CHN2: variants seen among roughly 807,000 people sequenced by gnomAD.
CHN2 encodes beta-chimaerin.
CHN2 carries 35 observed loss-of-function variants against 56.3 expected under a neutral mutation model. The ratio of observed to expected loss-of-function variants is 0.62; its 90% CI spans 0.47 to 0.82. CHN2 has a LOEUF of 0.82. CHN2 is among the 40% of genes least tolerant of loss of function. The probability of loss-of-function intolerance (pLI) is 0.00; values close to 1 mark genes in which losing one functional copy is unlikely to be tolerated. For missense variants in CHN2, 491 were observed against 580.5 expected (o/e 0.85, Z 1.58); for synonymous variants, 210 against 212.8 (o/e 0.99, Z 0.12).
At chr7:29,328,211 A>G (rs994127665) in intron 1 of CHN2, among the ~76,000 whole-genome samples, 5 of 152,186 alleles carry the variant, frequency 3.3e-5, no homozygotes, top group African/African-American at 7.2e-5. Flanking sequence ...TATTTTCTAC[A>G]TGGTCATTCT....
At chr7:29,339,906 A>G (rs189242703) in intron 1 of CHN2, among the ~76,000 whole-genome samples, 4 of 152,142 alleles carry the variant, frequency 2.6e-5, no homozygotes, top group Admixed American at 1.3e-4. Context: ...ATATATGCCA[A>G]TATAGCAATA....
rs142066446 is a variant in CHN2, at chr7:29,415,276, C to T, written c.576+14448C>T. 4.5e-3 allele frequency among the ~76,000 whole-genome samples: 681 copies of T among 152,312 alleles called. 4 individuals are homozygous for T. The highest frequency in any genetic ancestry group is 0.014 in the African/African-American group (602 of 41,562). On this transcript the variant is annotated intron_variant, in intron 6 of 12. Transcript: ENST00000222792. ...ACACGGAGCGACAGGGGCCACCTGGCTGGCACTTGGGGAGTCAGACATCAA... is the reference window on the plus strand; with the variant it reads ...ACACGGAGCGACAGGGGCCACCTGGTTGGCACTTGGGGAGTCAGACATCAA...
intron 1 of CHN2, 177 bp downstream of exon 1, chr7:29,195,167 C>G: frequency 1.8e-6 from 1 of 556,694 alleles, no homozygotes; most frequent in Non-Finnish European, 3.0e-6. Flanking sequence ...CCCAGAGCAC[C>G]TCCGCGCCTG....
At chr7:29,482,797 CTTTTTTTTTTTTTTTTTTTTTTTTTTTT>C (rs375120538) in intron 7 of CHN2, among the ~76,000 whole-genome samples, 4 of 64,214 alleles carry the variant, frequency 6.2e-5, no homozygotes, top group East Asian at 4.1e-4. Context: ...GCACTTTTTT[CTTTTTTTTTTTTTTTTTTTTTTTTTTTT>C]TTTTTTTTTT....
intron 1 of CHN2, among the ~76,000 whole-genome samples, chr7:29,225,207 C>T (rs1014290756): frequency 2.6e-5 from 4 of 152,090 alleles, no homozygotes; most frequent in African/African-American, 7.2e-5. Flanking sequence ...AAATACTTCA[C>T]GAATAATTTA....
At chr7:29,183,645 A>AGGATTACAG (rs1798345112) in intron 2 of CHN2, among the ~76,000 whole-genome samples, 1 of 151,668 alleles carries the variant, frequency 6.6e-6, no homozygotes, top group Admixed American at 6.6e-5. Flanking sequence ...CCAAAGTACT[A>AGGATTACAG]GGATTACAGG....
At chr7:29,406,184 C>T (rs1802637018) in intron 6 of CHN2, among the ~76,000 whole-genome samples, 1 of 152,186 alleles carries the variant, frequency 6.6e-6, no homozygotes, top group African/African-American at 2.4e-5. Context: ...GCCTGGGCCC[C>T]TTGGAGAAGC....
chr7:29,255,439 C>T (rs893441132), intron 1 of CHN2, among the ~76,000 whole-genome samples: 4 of 152,186 alleles, frequency 2.6e-5, no homozygotes, highest in Non-Finnish European at 5.9e-5. Context: ...ACACCCTCCA[C>T]ACTGAGAAGC....
chr7:29,453,673 C>T (rs547258388), intron 6 of CHN2, among the ~76,000 whole-genome samples: 1 of 152,280 alleles, frequency 6.6e-6, no homozygotes, highest in Non-Finnish European at 1.5e-5. Context: ...CTACCCCCAA[C>T]ATTGAAACCT....
At chr7:29,219,097 G>A (rs1785573232) in intron 1 of CHN2, among the ~76,000 whole-genome samples, 1 of 152,168 alleles carries the variant, frequency 6.6e-6, no homozygotes, top group South Asian at 2.1e-4. Flanking sequence ...CGAGGAATGG[G>A]TTTTGAAACC....
chr7:29,376,454 G>C (rs1359415041), intron 3 of CHN2: 1 of 152,196 alleles, frequency 6.6e-6, no homozygotes, highest in Non-Finnish European at 1.5e-5. Flanking sequence ...CATCAGCTGG[G>C]AACAGGTGAG....
chr7:29,394,399 G>A (rs560202951), intron 4 of CHN2, among the ~76,000 whole-genome samples: 77 of 152,316 alleles, frequency 5.1e-4, no homozygotes, highest in African/African-American at 1.8e-3. Context: ...TTCTTCCCAA[G>A]TCCAACCTGG....
chr7:29,292,107 A>C (rs531031965), intron 1 of CHN2, among the ~76,000 whole-genome samples: 1 of 152,156 alleles, frequency 6.6e-6, no homozygotes, highest in Non-Finnish European at 1.5e-5. Context: ...GTATATCCAC[A>C]CTTTATCTGT....
chr7:29,466,513 A>G (rs951658342), intron 6 of CHN2, among the ~76,000 whole-genome samples: 1 of 152,198 alleles, frequency 6.6e-6, no homozygotes, highest in Admixed American at 6.5e-5. Context: ...TCATGTTTGT[A>G]CATGTCATAG....
At chr7:29,307,738 C>T (rs2128883140) in intron 1 of CHN2, among the ~76,000 whole-genome samples, 1 of 152,258 alleles carries the variant, frequency 6.6e-6, no homozygotes, top group Non-Finnish European at 1.5e-5. Flanking sequence ...CGTCTCCACC[C>T]AGCTGTTGAA....
chr7:29,368,601 A>T (rs972935901), intron 3 of CHN2, among the ~76,000 whole-genome samples: 1 of 152,146 alleles, frequency 6.6e-6, no homozygotes, highest in Non-Finnish European at 1.5e-5. Context: ...TCAAAGGCCC[A>T]TGGGTCCTTG....
chr7:29,297,833 G>C (rs939100007), intron 1 of CHN2, among the ~76,000 whole-genome samples: 1 of 152,192 alleles, frequency 6.6e-6, no homozygotes, highest in Admixed American at 6.5e-5. Context: ...TCTGTGAAAA[G>C]AGGACAGGGG....
In CHN2 at chr7:29,238,261, G is replaced by A. The variant is rs183392880; in HGVS notation, c.49+43271G>A. Among the ~76,000 whole-genome samples, 387 of 152,038 alleles carry A rather than the reference G, an allele frequency of 2.5e-3. 4 individuals are homozygous for A. Among genetic ancestry groups the A allele is most frequent in the African/African-American group, 8.6e-3 (355 of 41,468 alleles). The stretch of plus-strand genomic sequence containing the variant: ...TCTTGATCTCCTGACCTCAGGATCC[G>A]CCTGCCTTGGCCTCCCAAAGTGCTG... On this transcript the variant is annotated intron_variant, in intron 1 of 12. Coordinates refer to ENST00000222792, the MANE Select transcript of CHN2 (RefSeq NM_004067.4).
At chr7:29,196,770 A>T (rs1783760591) in intron 1 of CHN2, among the ~76,000 whole-genome samples, 1 of 152,260 alleles carries the variant, frequency 6.6e-6, no homozygotes, top group Admixed American at 6.5e-5. Flanking sequence ...TCGGAAGAAT[A>T]CGTTGGTTTG....
Sources: gnomAD v4.1 joint callset for allele counts (sites outside exome capture counted in the v4.1 genomes callset) on GRCh38, gnomAD v4.1.1 for gene constraint, MANE v1.5 for transcripts, NCBI Gene and HGNC (gene_info 2026-07-23, HGNC 2026-07-21) for gene names.